CAP1: variants seen among roughly 807,000 people sequenced by gnomAD.
CAP1 encodes the protein adenylyl cyclase-associated protein 1.
In CAP1, 11 loss-of-function variants were observed where a neutral mutation model predicts 58.2. The ratio of observed to expected loss-of-function variants is 0.19; its 90% CI spans 0.12 to 0.31. The LOEUF (loss-of-function observed/expected upper bound fraction) is 0.31. CAP1 is among the 10% of genes least tolerant of loss of function. The pLI is 1.00. For missense variants in CAP1, 423 were observed against 587.5 expected, an observed-to-expected ratio of 0.72 and a Z score of 2.89; for synonymous variants, 183 against 213.8, an observed-to-expected ratio of 0.86 and a Z score of 1.26.
At chr1:40,042,123 C>G (rs545265332) in intron 1 of CAP1, among the ~76,000 whole-genome samples, 1 of 152,300 alleles carries the variant, frequency 6.6e-6, no homozygotes, top group Non-Finnish European at 1.5e-5. Flanking sequence ...GTGATCCCCC[C>G]ACCTCGGCCT....
At chr1:40,048,004 T>C (rs1646182470) in intron 1 of CAP1, among the ~76,000 whole-genome samples, 1 of 151,994 alleles carries the variant, frequency 6.6e-6, no homozygotes. Context: ...ACCAAATGCT[T>C]AGAGAAGAAC....
At chr1:40,066,047 T>A (rs1460965689) in intron 6 of CAP1, among the ~76,000 whole-genome samples, 168 bp from the exon 7 acceptor site, 3 of 152,116 alleles carry the variant, frequency 2.0e-5, no homozygotes, top group East Asian at 1.9e-4. Context: ...GGTAATAGAC[T>A]AGGTTGTATA....
chr1:40,041,490 G>A (rs1570317994), intron 1 of CAP1: 1 of 152,168 alleles, frequency 6.6e-6, no homozygotes, highest in Non-Finnish European at 1.5e-5. Flanking sequence ...GGCTAACATT[G>A]AAGGTATGTA....
intron 1 of CAP1, among the ~76,000 whole-genome samples, chr1:40,058,689 TCCAG>T (rs1029788572): frequency 2.6e-5 from 4 of 151,890 alleles, no homozygotes; most frequent in African/African-American, 9.7e-5. Context: ...GCCACTGCAC[TCCAG>T]CCTGGGTGAC....
At chr1:40,048,711 A>G (rs1447043725) in intron 1 of CAP1, among the ~76,000 whole-genome samples, 2 of 152,226 alleles carry the variant, frequency 1.3e-5, no homozygotes, top group African/African-American at 2.4e-5. Flanking sequence ...CTATTCCCCT[A>G]TAATTAGAAG....
intron 1 of CAP1, among the ~76,000 whole-genome samples, chr1:40,046,485 AAAAAC>A (rs907775947): frequency 2.4e-4 from 36 of 152,208 alleles, no homozygotes; most frequent in South Asian, 6.2e-4. Context: ...CAAAACAAAA[AAAAAC>A]AAACAAACAC....
rs144056226 is a variant in CAP1, at chr1:40,053,666, C to T, written c.-10-5671C>T. ...TTCTCCATGTTGGTCAGGCTGGTCTCGAACTCCCGACCTCAGGTGACCCAC... is the reference window on the plus strand; with the variant it reads ...TTCTCCATGTTGGTCAGGCTGGTCTTGAACTCCCGACCTCAGGTGACCCAC... On this transcript the variant is annotated intron_variant, in intron 1 of 12. Coordinates refer to ENST00000372805, the MANE Select transcript of CAP1 (RefSeq NM_006367.4). Among the ~76,000 whole-genome samples the T allele has an allele frequency of 1.2e-3, 176 of 152,198 alleles. 2 individuals are homozygous for T. The highest frequency in any genetic ancestry group is 3.8e-3 in the African/African-American group (156 of 41,530).
chr1:40,067,869 T>A, intron 8 of CAP1, 152 bp downstream of exon 8: 1 of 562,720 alleles, frequency 1.8e-6, no homozygotes, highest in African/African-American at 2.0e-5. Context: ...AAAGCTGGCT[T>A]AAATGGAAAT....
chr1:40,070,577 C>T, intron 11 of CAP1, 65 bp downstream of exon 11: 1 of 1,277,752 alleles, frequency 7.8e-7, no homozygotes. Flanking sequence ...ACATGGTAGA[C>T]CCACAGATGT....
At position 40,070,478 on chromosome 1, in the gene CAP1, T is replaced by C; in HGVS notation, c.1166T>C (p.Val389Ala). Residue 389 changes from valine (V) to alanine (A), a missense_variant, in exon 11 of 13, where the codon GTG becomes GCG. Coordinates refer to ENST00000372805, the MANE Select transcript of CAP1 (RefSeq NM_006367.4). ...GTATTCGATGACGTGGTGGGCATTGTGGAGATAATCAACAGTAAGGATGTC... is the reference window on the plus strand; with the variant it reads ...GTATTCGATGACGTGGTGGGCATTGCGGAGATAATCAACAGTAAGGATGTC... ...GLVFDDVVGI[V>A]EIINSKDVKV... is the part of the protein sequence containing the mutation. 6.2e-7 allele frequency: 1 copy of C among 1,614,096 alleles called. No homozygotes were observed. Among genetic ancestry groups the C allele is most frequent in the Non-Finnish European group, 8.5e-7 (1 of 1,179,946 alleles).
In CAP1 at chr1:40,064,252, C is replaced by T. The variant is rs1418214914; in HGVS notation, c.320C>T (p.Pro107Leu). ...AATAAGCTTTCCGATTTGTTGGCACCCATCTCAGAGCAGATCAAAGAAGTG... is the reference window on the plus strand; with the variant it reads ...AATAAGCTTTCCGATTTGTTGGCACTCATCTCAGAGCAGATCAAAGAAGTG... ...AENKLSDLLA[P>L]ISEQIKEVIT... Residue 107 changes from proline (P) to leucine (L), a missense_variant, in exon 5 of 13, where the codon CCC becomes CTC. Transcript: ENST00000372805. The T allele has an allele frequency of 6.2e-7, 1 of 1,614,110 alleles. No homozygotes were observed.
At chr1:40,068,927 G>A (rs927453861) in intron 8 of CAP1, among the ~76,000 whole-genome samples, 3 of 151,940 alleles carry the variant, frequency 2.0e-5, no homozygotes, top group Non-Finnish European at 4.4e-5. Context: ...CTGCCTCCCA[G>A]GTTCAAGCAG....
intron 1 of CAP1, among the ~76,000 whole-genome samples, chr1:40,045,814 G>A (rs1405580819): frequency 1.3e-5 from 2 of 152,170 alleles, no homozygotes; most frequent in East Asian, 3.9e-4. Context: ...GCCTCTCAAA[G>A]TGCTGGGATT....
chr1:40,057,246 A>G (rs1646655751), intron 1 of CAP1, among the ~76,000 whole-genome samples: 1 of 152,186 alleles, frequency 6.6e-6, no homozygotes, highest in Non-Finnish European at 1.5e-5. Flanking sequence ...GTATCTGTTC[A>G]TGGAAGGTAG....
chr1:40,066,421 G>C lies in CAP1; in HGVS notation c.630+101G>C. 8.9e-6 allele frequency: 6 copies of C among 675,358 alleles called. No homozygotes were observed. The South Asian group carries it at 9.9e-5, about 11-fold the overall frequency. 41.8% of individuals were successfully genotyped at this position (675,358 alleles called of 1,614,324 possible). On this transcript the variant is annotated intron_variant, in intron 7 of 12. Transcript: ENST00000372805. ...CTTCAGCACTACCAAAGTCTGTGAG[G>C]GAATGCTAGTTTTTTCAGTGGAAGG... is the stretch of plus-strand genomic sequence containing the variant.
chr1:40,043,802 G>A (rs769396759), intron 1 of CAP1, among the ~76,000 whole-genome samples: 26 of 152,062 alleles, frequency 1.7e-4, no homozygotes, highest in Non-Finnish European at 3.5e-4. Flanking sequence ...GCTTGAACCC[G>A]GGAGGCGGAG....
In CAP1 at chr1:40,061,743, G is replaced by A. The variant is rs1456775673; in HGVS notation, c.225G>A (p.Met75Ile). 1.9e-6 allele frequency: 3 copies of A among 1,613,800 alleles called. No individual in the cohort carries two copies. The highest frequency in any genetic ancestry group is 2.5e-6 in the Non-Finnish European group (3 of 1,179,830). The change falls in exon 4 of 13, where the codon ATG (methionine) becomes ATA (isoleucine). Residue 75 changes from methionine (M) to isoleucine (I), a missense_variant. Transcript: ENST00000372805. ...ATTCTTCTTTCTGGCAGGCGGAGAT[G>A]GTCCACACAGGTTTGAAGTTGGAGC... ...IGGDVQKHAE[M>I]VHTGLKLERA... is the part of the protein sequence containing the mutation.
chr1:40,048,672 G>T (rs1010246616), intron 1 of CAP1, among the ~76,000 whole-genome samples: 3 of 152,068 alleles, frequency 2.0e-5, no homozygotes, highest in African/African-American at 7.2e-5. Context: ...TAAATTTTGC[G>T]TTCAAGTTTT....
chr1:40,042,906 G>A (rs1270975438), intron 1 of CAP1, among the ~76,000 whole-genome samples: 1 of 152,134 alleles, frequency 6.6e-6, no homozygotes, highest in Non-Finnish European at 1.5e-5. Flanking sequence ...CGATTGCCTG[G>A]CTTTCTGGCT....
Sources: allele counts gnomAD v4.1 joint callset (sites outside exome capture counted in the v4.1 genomes callset), GRCh38; gene constraint gnomAD v4.1.1; transcripts MANE v1.5; gene names NCBI Gene and HGNC (gene_info 2026-07-23, HGNC 2026-07-21).